The following SLC13A1 variants were observed in gnomAD, a reference collection of about 807,000 sequenced individuals.
SLC13A1 encodes solute carrier family 13 member 1.
A neutral mutation model predicts 70.0 loss-of-function variants in SLC13A1; 65 were observed. The ratio of observed to expected loss-of-function variants is 0.93; its 90% CI spans 0.76 to 1.14. The LOEUF is 1.14. Ranked by LOEUF, SLC13A1 falls within the 50% of genes most tolerant of loss-of-function variation. The probability of loss-of-function intolerance (pLI) is 0.00; values close to 1 mark genes in which losing one functional copy is unlikely to be tolerated. For synonymous variants in SLC13A1, 275 were observed against 250.5 expected, an observed-to-expected ratio of 1.10 and a Z score of -0.92; for missense variants, 726 against 717.8, an observed-to-expected ratio of 1.01 and a Z score of -0.13.
chr7:123,172,759 A>C (rs1795315836), intron 2 of SLC13A1, among the ~76,000 whole-genome samples: 1 of 152,174 alleles, frequency 6.6e-6, no homozygotes, highest in African/African-American at 2.4e-5. Context: ...GTATTTCTTA[A>C]AGAATACTTT....
At chr7:123,150,756 C>A (rs374580543) in intron 6 of SLC13A1, among the ~76,000 whole-genome samples, 5 of 151,966 alleles carry the variant, frequency 3.3e-5, no homozygotes, top group Admixed American at 6.6e-5. Flanking sequence ...ACTGAAAAAA[C>A]TCTGCTTTGG....
chr7:123,189,122 A>AAT (rs1194896956), intron 1 of SLC13A1, among the ~76,000 whole-genome samples: 1 of 150,342 alleles, frequency 6.7e-6, no homozygotes, highest in Non-Finnish European at 1.5e-5. Flanking sequence ...CTCAAAAAAA[A>AAT]AAAAAAAAAA....
intron 2 of SLC13A1, among the ~76,000 whole-genome samples, chr7:123,172,806 G>C (rs17145447): frequency 0.05 from 7,624 of 151,708 alleles, 611 homozygotes; most frequent in African/African-American, 0.17. Context: ...TTTTTTAAAA[G>C]GGTTGTGTAA....
chr7:123,143,016 T>C (rs1349392164), intron 7 of SLC13A1, among the ~76,000 whole-genome samples: 1 of 152,088 alleles, frequency 6.6e-6, no homozygotes, highest in Non-Finnish European at 1.5e-5. Context: ...TGTCTAGAAA[T>C]GTCGTCCTAA....
At chr7:123,145,172 C>T (rs1377496082) in intron 7 of SLC13A1, among the ~76,000 whole-genome samples, 4 of 152,112 alleles carry the variant, frequency 2.6e-5, no homozygotes, top group African/African-American at 9.7e-5. Context: ...ATGTGCCAGA[C>T]CCTCTGCTAG....
At chr7:123,194,777 A>G (rs1796123069) in intron 1 of SLC13A1, among the ~76,000 whole-genome samples, 1 of 152,080 alleles carries the variant, frequency 6.6e-6, no homozygotes, top group Non-Finnish European at 1.5e-5. Flanking sequence ...GAGATGACAT[A>G]CAGCTTTCAA....
intron 6 of SLC13A1, among the ~76,000 whole-genome samples, chr7:123,166,556 C>T (rs926911503): frequency 6.6e-6 from 1 of 152,068 alleles, no homozygotes; most frequent in African/African-American, 2.4e-5. Flanking sequence ...TCCCCCACCA[C>T]ACAACAGGCC....
Position 123,181,103 on chromosome 7 carries a change from T to C in SLC13A1, c.100-2A>G. 1 of 1,610,906 alleles carries C rather than the reference T, an allele frequency of 6.2e-7. No individual in the cohort carries two copies. Reference sequence around the variant, plus strand: ...GAGTGTGTAGGCACATTCTGCTTCCTGGTAAGAACAAATGCAAAGCAAAAG... The same window carrying C: ...GAGTGTGTAGGCACATTCTGCTTCCCGGTAAGAACAAATGCAAAGCAAAAG... On this transcript the variant is annotated splice_acceptor_variant, in intron 1 of 14. Transcript: ENST00000194130. LOFTEE classifies it high-confidence loss of function.
chr7:123,153,506 G>T (rs1424740121), intron 6 of SLC13A1, among the ~76,000 whole-genome samples: 1 of 151,984 alleles, frequency 6.6e-6, no homozygotes, highest in East Asian at 1.9e-4. Flanking sequence ...TGTGTTCGCT[G>T]GGCTGAACAC....
intron 7 of SLC13A1, among the ~76,000 whole-genome samples, chr7:123,143,953 G>A (rs755303782): frequency 1.4e-4 from 21 of 152,168 alleles, no homozygotes; most frequent in South Asian, 2.1e-4. Context: ...AAAGTCCCTC[G>A]GAAGTAGGGT....
chr7:123,115,459 C>T lies in SLC13A1; in HGVS notation c.*59G>A. 1.3e-6 allele frequency: 2 copies of T among 1,545,318 alleles called. No individual in the cohort carries two copies. The highest frequency in any genetic ancestry group is 1.7e-4 in the Middle Eastern group (1 of 5,754). On this transcript the variant is annotated 3_prime_UTR_variant, in exon 15 of 15. Coordinates refer to ENST00000194130, the MANE Select transcript of SLC13A1 (RefSeq NM_022444.4). ...ATTAGTTATTTAGAGCCACATTTTA[C>T]AGTCAATCATTAATGTCTTCCAGAA...
In SLC13A1 at chr7:123,125,697, G is replaced by A. The variant is rs779771940; in HGVS notation, c.1134-22C>T. ...GTACCTGTAAAAGGGACAAATACAT[G>A]TATTAAAAATAGCATCAAGAACTTA... On this transcript the variant is annotated intron_variant, in intron 10 of 14. Coordinates refer to ENST00000194130, the MANE Select transcript of SLC13A1 (RefSeq NM_022444.4). 9 of 1,540,726 alleles carry A rather than the reference G, an allele frequency of 5.8e-6. No homozygotes were observed. The Admixed American group carries it at 1.6e-4, about 27-fold the overall frequency.
At chr7:123,150,718 C>A (rs1285430424) in intron 6 of SLC13A1, among the ~76,000 whole-genome samples, 1 of 152,068 alleles carries the variant, frequency 6.6e-6, no homozygotes, top group African/African-American at 2.4e-5. Context: ...CCTTAGCAAG[C>A]ATCTAAAAGA....
chr7:123,196,609 G>A (rs1410837020), intron 1 of SLC13A1, among the ~76,000 whole-genome samples: 1 of 152,014 alleles, frequency 6.6e-6, no homozygotes, highest in African/African-American at 2.4e-5. Flanking sequence ...TGGGGCTCTG[G>A]GACACCCAGC....
chr7:123,152,581 G>A (rs888534691), intron 6 of SLC13A1, among the ~76,000 whole-genome samples: 1 of 151,954 alleles, frequency 6.6e-6, no homozygotes, highest in Admixed American at 6.6e-5. Flanking sequence ...GAAAAGTTGT[G>A]ATAAGGAAAA....
chr7:123,190,510 C>T (rs1795957771), intron 1 of SLC13A1: 2 of 455,374 alleles, frequency 4.4e-6, no homozygotes, highest in South Asian at 3.1e-5. Flanking sequence ...AATTCTGAGA[C>T]TGGTCACTGG....
chr7:123,176,930 T>A (rs1276013027), intron 2 of SLC13A1, among the ~76,000 whole-genome samples: 2 of 152,148 alleles, frequency 1.3e-5, no homozygotes, highest in East Asian at 3.9e-4. Flanking sequence ...CCCTGAGTGA[T>A]CTCATCAAGT....
In SLC13A1 at chr7:123,117,350, A is replaced by T. The variant is rs1330342463; in HGVS notation, c.1650+121T>A. ...TTAGTCATGCACACTGCATTCATAA[A>T]CAGAATTCAGGCCCTGCTTTTCCTG... On this transcript the variant is annotated intron_variant, in intron 14 of 14. Coordinates refer to ENST00000194130, the MANE Select transcript of SLC13A1 (RefSeq NM_022444.4). 3.1e-6 allele frequency: 3 copies of T among 965,570 alleles called. No homozygotes were observed. The African/African-American group carries it at 4.9e-5, about 16-fold the overall frequency. The allele number at this position is 965,570 out of a possible 1,614,324, so 59.8% of individuals were successfully genotyped here. A position where few individuals can be genotyped will look rare whatever the true frequency, so the allele number is the denominator to read the frequency against.
chr7:123,152,750 C>T (rs748730929), intron 6 of SLC13A1, among the ~76,000 whole-genome samples: 1 of 152,064 alleles, frequency 6.6e-6, no homozygotes. Flanking sequence ...AATTTACAAA[C>T]GTCTCCCTTT....
Sources: allele counts gnomAD v4.1 joint callset (sites outside exome capture counted in the v4.1 genomes callset), GRCh38; gene constraint gnomAD v4.1.1; transcripts MANE v1.5; gene names NCBI Gene and HGNC (gene_info 2026-07-23, HGNC 2026-07-21).